Variants in SMOC2 observed in about 807,000 individuals in gnomAD.
The protein encoded by SMOC2 is SPARC-related modular calcium-binding protein 2.
A neutral mutation model predicts 61.4 loss-of-function variants in SMOC2; 39 were observed. The ratio of observed to expected loss-of-function variants is 0.64; its 90% confidence interval spans 0.49 to 0.83. SMOC2 has a LOEUF of 0.83. SMOC2 is among the 40% of genes least tolerant of loss of function. The pLI is 0.00. For missense variants in SMOC2, 556 were observed against 592.9 expected (o/e 0.94, Z 0.65); for synonymous variants, 247 against 239.9 (o/e 1.03, Z -0.27).
chr6:168,509,999 G>A lies in SMOC2; in HGVS notation c.169G>A (p.Gly57Arg), dbSNP rs144833047. Residue 57 changes from glycine (G) to arginine (R), a missense_variant, in exon 2 of 13, where the codon GGA (glycine) becomes AGA (arginine). Coordinates refer to ENST00000356284, the MANE Select transcript of SMOC2 (RefSeq NM_001166412.2). ...CCAGAAACCTCTCTGCGCATCTGAC[G>A]GAAGGACCTTCCTTTCCCGTTGTGA... ...SPQKPLCASD[G>R]RTFLSRCEFQ... 3.5e-5 allele frequency: 56 copies of A among 1,614,210 alleles called. No individual in the cohort carries two copies. The highest frequency in any genetic ancestry group is 3.2e-4 in the African/African-American group (24 of 75,054).
chr6:168,522,573 A>C (rs1303320709), intron 2 of SMOC2, among the ~76,000 whole-genome samples: 1 of 152,214 alleles, frequency 6.6e-6, no homozygotes, highest in Non-Finnish European at 1.5e-5. Flanking sequence ...CATCACGCTA[A>C]ATGAAGGAAG....
chr6:168,491,610 A>T (rs1013707711), intron 1 of SMOC2, among the ~76,000 whole-genome samples: 2 of 152,248 alleles, frequency 1.3e-5, no homozygotes, highest in African/African-American at 2.4e-5. Context: ...TATTGATAAT[A>T]ACAATAAACT....
chr6:168,648,758 C>T (rs970694240), intron 9 of SMOC2, among the ~76,000 whole-genome samples: 1 of 152,192 alleles, frequency 6.6e-6, no homozygotes, highest in African/African-American at 2.4e-5. Flanking sequence ...TGTTTTCTGA[C>T]ATGTGTGTTT....
intron 9 of SMOC2, among the ~76,000 whole-genome samples, chr6:168,620,756 G>A (rs1021739336): frequency 6.6e-6 from 1 of 152,170 alleles, no homozygotes; most frequent in African/African-American, 2.4e-5. Context: ...GATCAAGACA[G>A]GGAAAATCCA....
intron 2 of SMOC2, among the ~76,000 whole-genome samples, chr6:168,511,058 G>A (rs1382451550): frequency 6.6e-6 from 1 of 152,186 alleles, no homozygotes; most frequent in Non-Finnish European, 1.5e-5. Flanking sequence ...TTGCGATCAA[G>A]TAGGGGAAAT....
In SMOC2 at chr6:168,470,210, A is replaced by G. The variant is rs375542218; in HGVS notation, c.84+28756A>G. ...CTGCACTTTGAGGTCTCAGAATCAC[A>G]GTCTCAGTCTGCCAGTATCAGTCTC... On this transcript the variant is annotated intron_variant, in intron 1 of 12. Coordinates refer to ENST00000356284, the MANE Select transcript of SMOC2 (RefSeq NM_001166412.2). 9.8e-5 allele frequency among the ~76,000 whole-genome samples: 15 copies of G among 152,358 alleles called. No individual in the cohort carries two copies. In the South Asian group the frequency reaches 2.1e-3, roughly 21 times the overall value.
chr6:168,504,290 T>C lies in SMOC2; in HGVS notation c.85-5625T>C, dbSNP rs369492441. On this transcript the variant is annotated intron_variant, in intron 1 of 12. Transcript: ENST00000356284. ...AGCATGTTACATTTATTGCGCACTT[T>C]ATTTCTATCATTACATTGTAATATA... 2.4e-4 allele frequency among the ~76,000 whole-genome samples: 36 copies of C among 151,628 alleles called. No homozygotes were observed. In the South Asian group the frequency reaches 7.6e-3, roughly 32 times the overall value.
Position 168,539,697 on chromosome 6 carries a change from T to A in SMOC2, c.464-3928T>A, listed in dbSNP as rs150368876. ...GGCACTTCCAGCATCTGGAGCAGCT[T>A]GGCATCCCTGTGGTGGTGGATGGGC... On this transcript the variant is annotated intron_variant, in intron 4 of 12. Transcript: ENST00000356284. Among the ~76,000 whole-genome samples the A allele has an allele frequency of 5.1e-3, 782 of 152,348 alleles. 4 individuals carry two copies. Among genetic ancestry groups the A allele is most frequent in the South Asian group, 0.028 (134 of 4,832 alleles).
chr6:168,550,619 A>G (rs2115108577), intron 7 of SMOC2, among the ~76,000 whole-genome samples: 1 of 152,204 alleles, frequency 6.6e-6, no homozygotes, highest in East Asian at 1.9e-4. Context: ...CCAGCCCCGG[A>G]GTCTTAGCTG....
intron 7 of SMOC2, 72 bp downstream of exon 7, chr6:168,549,275 G>A: frequency 7.1e-7 from 1 of 1,398,666 alleles, no homozygotes; most frequent in Non-Finnish European, 1.0e-6. Context: ...GTTTTTTTTT[G>A]GAGTTAAGTG....
At chr6:168,498,089 T>TCC (rs1782636400) in intron 1 of SMOC2, among the ~76,000 whole-genome samples, 2 of 152,126 alleles carry the variant, frequency 1.3e-5, no homozygotes, top group Non-Finnish European at 2.9e-5. Flanking sequence ...CTCTCGGACA[T>TCC]ATTGTTTCCA....
rs1370869420 is a variant in SMOC2 at position 168,452,195 on chromosome 6, A to G, written c.84+10741A>G. Among the ~76,000 whole-genome samples, 3 of 152,264 alleles carry G rather than the reference A, an allele frequency of 2.0e-5. No individual in the cohort carries two copies. Among genetic ancestry groups the G allele is most frequent in the Non-Finnish European group, 4.4e-5 (3 of 68,046 alleles). ...GCTTTAAAGAATTGGCTCATGATGC[A>G]GAATGCTAAATTAGGGAATTAAAAA... On this transcript the variant is annotated intron_variant, in intron 1 of 12. Coordinates refer to ENST00000356284, the MANE Select transcript of SMOC2 (RefSeq NM_001166412.2). The surrounding 1 kb of genome is among the most constrained non-coding windows in gnomAD (Gnocchi z 5.0).
intron 5 of SMOC2, among the ~76,000 whole-genome samples, chr6:168,545,472 C>T (rs1332538638): frequency 6.6e-6 from 1 of 152,210 alleles, no homozygotes; most frequent in Non-Finnish European, 1.5e-5. Context: ...TTCCTTAAGG[C>T]TGACTTCAGC....
intron 7 of SMOC2, among the ~76,000 whole-genome samples, chr6:168,583,916 C>T (rs1393090688): frequency 4.6e-5 from 7 of 152,130 alleles, no homozygotes; most frequent in Non-Finnish European, 7.3e-5. Flanking sequence ...GCAGCCGCTC[C>T]GTCAGGGATG....
intron 9 of SMOC2, among the ~76,000 whole-genome samples, chr6:168,641,513 A>G (rs940163404): frequency 1.3e-5 from 2 of 152,268 alleles, no homozygotes; most frequent in African/African-American, 4.8e-5. Context: ...GGAAGACTTT[A>G]GAAACACACA....
rs372614295 is a variant in SMOC2, at chr6:168,625,401, C to T, written c.907+17162C>T. ...GCAGAGAGCACTGGGTCCAGCTCCT[C>T]GCTGTGCCGGAGAGGCCCAGAGAGG... On this transcript the variant is annotated intron_variant, in intron 9 of 12. Transcript: ENST00000356284. Among the ~76,000 whole-genome samples the T allele has an allele frequency of 1.4e-3, 219 of 152,332 alleles. 1 individual carries two copies. Among genetic ancestry groups the T allele is most frequent in the African/African-American group, 4.4e-3 (183 of 41,580 alleles).
chr6:168,605,246 T>C (rs1386198439), intron 8 of SMOC2, among the ~76,000 whole-genome samples: 1 of 152,124 alleles, frequency 6.6e-6, no homozygotes, highest in Non-Finnish European at 1.5e-5. Context: ...CCCCAGAGCA[T>C]GTCTCTCAAT....
intron 12 of SMOC2, chr6:168,664,743 T>A (rs1412732053): frequency 2.1e-6 from 1 of 471,194 alleles, no homozygotes; most frequent in Non-Finnish European, 4.4e-6. Flanking sequence ...AAGGATGCAA[T>A]GGTGGTGTCC....
intron 9 of SMOC2, among the ~76,000 whole-genome samples, chr6:168,623,211 C>A (rs1411471131): frequency 6.6e-6 from 1 of 151,966 alleles, no homozygotes; most frequent in East Asian, 1.9e-4. Context: ...AAACCAAGGT[C>A]AACATGCAAT....
Sources: gnomAD v4.1 joint callset for allele counts (sites outside exome capture counted in the v4.1 genomes callset) on GRCh38, gnomAD v4.1.1 for gene constraint, Gnocchi (gnomAD v3.1) non-coding constraint, MANE v1.5 for transcripts, NCBI Gene and HGNC (gene_info 2026-07-23, HGNC 2026-07-21) for gene names.